Variants in CNTNAP5 observed in about 807,000 individuals in gnomAD.
CNTNAP5 encodes contactin-associated protein-like 5.
Under a neutral mutation model 150.2 loss-of-function variants are expected in CNTNAP5, and 72 were observed. That is an observed-to-expected ratio of 0.48 (90% confidence interval 0.40 to 0.58). The LOEUF (loss-of-function observed/expected upper bound fraction) is 0.58, where lower values mean the gene tolerates loss of function less well. CNTNAP5 is among the 20% of genes least tolerant of loss of function. The pLI is 0.00. For synonymous variants in CNTNAP5, 672 were observed against 619.8 expected (o/e 1.08, Z -1.25); for missense variants, 1,636 against 1,626.2 (o/e 1.01, Z -0.10).
chr2:124,601,045 G>A (rs1696975157), intron 11 of CNTNAP5, among the ~76,000 whole-genome samples: 1 of 152,160 alleles, frequency 6.6e-6, no homozygotes, highest in African/African-American at 2.4e-5. Context: ...GAAGTAGTTA[G>A]ATTATCAATC....
intron 3 of CNTNAP5, among the ~76,000 whole-genome samples, chr2:124,396,598 C>A (rs1465809073): frequency 1.3e-5 from 2 of 152,104 alleles, no homozygotes; most frequent in Non-Finnish European, 2.9e-5. Context: ...TCAAAAATAG[C>A]TTGGTACTTT....
chr2:124,132,494 C>T (rs1016084316), intron 1 of CNTNAP5, among the ~76,000 whole-genome samples: 14 of 152,032 alleles, frequency 9.2e-5, no homozygotes, highest in Admixed American at 5.2e-4. Context: ...CTGATTTTAT[C>T]GTTAGAATAA....
At chr2:124,713,231 CTTTCTTTCTT>C (rs1558746542) in intron 13 of CNTNAP5, among the ~76,000 whole-genome samples, 1 of 37,572 alleles carries the variant, frequency 2.7e-5, no homozygotes, top group African/African-American at 9.5e-5. Context: ...TTCTTTCTTT[CTTTCTTTCTT>C]TCTCTTTCTT....
intron 1 of CNTNAP5, among the ~76,000 whole-genome samples, chr2:124,054,093 TTA>T (rs1275324459): frequency 3.9e-5 from 6 of 152,166 alleles, no homozygotes; most frequent in Non-Finnish European, 7.3e-5. Context: ...CTTATCACAG[TTA>T]CAGATCCTGA....
intron 3 of CNTNAP5, among the ~76,000 whole-genome samples, chr2:124,261,299 C>T (rs1687446678): frequency 1.3e-5 from 2 of 152,060 alleles, no homozygotes; most frequent in South Asian, 4.2e-4. Context: ...ACAAAAGCCT[C>T]GCTGCCCAAA....
chr2:124,528,073 T>C (rs1695018475), intron 10 of CNTNAP5, among the ~76,000 whole-genome samples: 1 of 152,220 alleles, frequency 6.6e-6, no homozygotes, highest in African/African-American at 2.4e-5. Context: ...GGATGGATTC[T>C]GAATTTGCAT....
At chr2:124,883,605 T>A (rs990784418) in intron 21 of CNTNAP5, among the ~76,000 whole-genome samples, 1 of 152,146 alleles carries the variant, frequency 6.6e-6, no homozygotes, top group Non-Finnish European at 1.5e-5. Context: ...TATACATGTA[T>A]ATGTATGTCC....
chr2:124,577,834 A>G (rs13008208), intron 11 of CNTNAP5, among the ~76,000 whole-genome samples: 26,580 of 152,046 alleles, frequency 0.17, 2,527 homozygotes, highest in South Asian at 0.25. Context: ...AAGAATCAAG[A>G]CTGACATTAA....
At chr2:124,057,205 C>A (rs1162073346) in intron 1 of CNTNAP5, among the ~76,000 whole-genome samples, 3 of 151,892 alleles carry the variant, frequency 2.0e-5, no homozygotes, top group East Asian at 1.9e-4. Context: ...GTAACACCAC[C>A]ATTTTCTGGT....
intron 13 of CNTNAP5, among the ~76,000 whole-genome samples, chr2:124,680,215 GTCT>G (rs1242667912): frequency 6.6e-6 from 1 of 151,748 alleles, no homozygotes; most frequent in Admixed American, 6.7e-5. Flanking sequence ...ACTCTGGAAG[GTCT>G]TCTTGAATTC....
intron 17 of CNTNAP5, among the ~76,000 whole-genome samples, chr2:124,784,761 G>A (rs147452458): frequency 1.4e-4 from 22 of 152,188 alleles, no homozygotes; most frequent in African/African-American, 2.2e-4. Flanking sequence ...TTTGAAGGTC[G>A]CCATGTCCAG....
At chr2:124,715,181 C>G (rs1024201832) in intron 13 of CNTNAP5, among the ~76,000 whole-genome samples, 1 of 152,132 alleles carries the variant, frequency 6.6e-6, no homozygotes, top group African/African-American at 2.4e-5. Context: ...GGGCACCAAG[C>G]CTTCTGCTTC....
chr2:124,885,023 T>C (rs913726156), intron 21 of CNTNAP5, among the ~76,000 whole-genome samples: 3 of 152,054 alleles, frequency 2.0e-5, no homozygotes, highest in African/African-American at 7.2e-5. Context: ...GTTCAACCAA[T>C]GGAGCATGAC....
intron 12 of CNTNAP5, among the ~76,000 whole-genome samples, chr2:124,635,261 G>A (rs186072122): frequency 6.6e-6 from 1 of 152,082 alleles, no homozygotes; most frequent in African/African-American, 2.4e-5. Context: ...GTAGGGAGAG[G>A]CTACACACTT....
intron 12 of CNTNAP5, among the ~76,000 whole-genome samples, chr2:124,628,778 A>G (rs1677783707): frequency 6.6e-6 from 1 of 152,224 alleles, no homozygotes; most frequent in Admixed American, 6.5e-5. Flanking sequence ...AAACCTGGGT[A>G]CTAAGACCAG....
intron 3 of CNTNAP5, among the ~76,000 whole-genome samples, chr2:124,262,372 A>C (rs572760680): frequency 6.6e-6 from 1 of 152,348 alleles, no homozygotes; most frequent in Non-Finnish European, 1.5e-5. Context: ...CACACAATAA[A>C]TCCAGTGTGA....
chr2:124,296,267 T>C (rs963334448), intron 3 of CNTNAP5, among the ~76,000 whole-genome samples: 1 of 152,216 alleles, frequency 6.6e-6, no homozygotes, highest in African/African-American at 2.4e-5. Flanking sequence ...AGGTCTGTGA[T>C]TGGGTGGCCA....
At chr2:124,467,744 C>A (rs186585745) in intron 6 of CNTNAP5, among the ~76,000 whole-genome samples, 1 of 152,066 alleles carries the variant, frequency 6.6e-6, no homozygotes, top group African/African-American at 2.4e-5. Context: ...TTCTCAACTA[C>A]GTAAAACATC....
At chr2:124,681,506 T>C (rs1485091937) in intron 13 of CNTNAP5, among the ~76,000 whole-genome samples, 2 of 152,156 alleles carry the variant, frequency 1.3e-5, no homozygotes, top group African/African-American at 4.8e-5. Flanking sequence ...TCTGTTTTCC[T>C]GGGAGTTTGC....
Sources: allele counts gnomAD v4.1 joint callset (sites outside exome capture counted in the v4.1 genomes callset), GRCh38; gene constraint gnomAD v4.1.1; transcripts MANE v1.5; gene names NCBI Gene and HGNC (gene_info 2026-07-23, HGNC 2026-07-21).